The following FAM185A variants were observed in gnomAD, a reference collection of about 807,000 sequenced individuals.
FAM185A encodes protein FAM185A.
A neutral mutation model predicts 45.7 loss-of-function variants in FAM185A; 21 were observed. The observed-to-expected ratio is 0.46, with a 90% CI of 0.33 to 0.66. The LOEUF (loss-of-function observed/expected upper bound fraction) is 0.66. Ranked by LOEUF, FAM185A falls within the 30% of genes least tolerant of loss-of-function variation. The pLI is 0.03. For synonymous variants in FAM185A, 117 were observed against 194.0 expected, an observed-to-expected ratio of 0.60 and a Z score of 3.30; for missense variants, 305 against 485.4, an observed-to-expected ratio of 0.63 and a Z score of 3.49.
chr7:102,820,291 C>T, the FAM185A span, among the ~76,000 whole-genome samples: 4 of 152,224 alleles, frequency 2.6e-5, no homozygotes, highest in African/African-American at 7.2e-5. Flanking sequence ...TCTCTGCCTG[C>T]TTCTTGTGCA....
the FAM185A span, chr7:102,832,857 T>C: frequency 1.9e-6 from 3 of 1,614,212 alleles, no homozygotes; most frequent in Non-Finnish European, 2.5e-6. Context: ...CAGCCAGCAA[T>C]GCTGAGAGAT....
chr7:102,772,540 A>C (rs1794817351), intron 5 of FAM185A, 90 bp downstream of exon 5: 1 of 716,396 alleles, frequency 1.4e-6, no homozygotes. Context: ...TGAATTCTAC[A>C]GTTTAACTGA....
the FAM185A span, among the ~76,000 whole-genome samples, chr7:102,831,063 C>A: frequency 6.6e-6 from 1 of 152,126 alleles, no homozygotes; most frequent in Admixed American, 6.5e-5. Flanking sequence ...CCACCCCTGT[C>A]AGTCATTTTA....
chr7:102,830,664 A>G, the FAM185A span, among the ~76,000 whole-genome samples: 1 of 152,208 alleles, frequency 6.6e-6, no homozygotes, highest in Non-Finnish European at 1.5e-5. Context: ...ACAATTAGCT[A>G]ACCATACAAA....
At chr7:102,837,879 T>A in the FAM185A span, among the ~76,000 whole-genome samples, 1 of 152,250 alleles carries the variant, frequency 6.6e-6, no homozygotes, top group Non-Finnish European at 1.5e-5. Flanking sequence ...TAGTTATTCA[T>A]GTAAGTGTCT....
intron 6 of FAM185A, among the ~76,000 whole-genome samples, chr7:102,784,098 T>C (rs1795609503): frequency 6.6e-6 from 1 of 152,180 alleles, no homozygotes; most frequent in Non-Finnish European, 1.5e-5. Context: ...AATGGATAAA[T>C]TCCTGGACAC....
chr7:102,814,493 A>C, the FAM185A span: 2 of 152,238 alleles, frequency 1.3e-5, no homozygotes, highest in Non-Finnish European at 2.9e-5. Context: ...TAACAGTTTA[A>C]AATGCTATTT....
the FAM185A span, among the ~76,000 whole-genome samples, chr7:102,840,337 T>A: frequency 3.9e-4 from 59 of 152,370 alleles, 1 homozygote; most frequent in South Asian, 0.01. Context: ...ATTTTTCTTG[T>A]TGCCTGTGGC....
chr7:102,827,443 T>G, the FAM185A span, among the ~76,000 whole-genome samples: 1 of 152,010 alleles, frequency 6.6e-6, no homozygotes, highest in East Asian at 1.9e-4. Context: ...AGTTTGAGAG[T>G]GACTGGTTAC....
intron 7 of FAM185A, among the ~76,000 whole-genome samples, chr7:102,796,817 C>T (rs372427779): frequency 5.9e-5 from 9 of 151,972 alleles, no homozygotes; most frequent in Non-Finnish European, 8.8e-5. Context: ...TGCACTTGTT[C>T]GAACACTTAA....
At chr7:102,844,499 T>C in the FAM185A span, among the ~76,000 whole-genome samples, 1 of 152,116 alleles carries the variant, frequency 6.6e-6, no homozygotes, top group Non-Finnish European at 1.5e-5. Flanking sequence ...GGAGAGAGAA[T>C]GCCTAAAAGA....
At chr7:102,767,374 T>A (rs553906214) in intron 4 of FAM185A, among the ~76,000 whole-genome samples, 331 of 151,472 alleles carry the variant, frequency 2.2e-3, no homozygotes, top group South Asian at 9.5e-3. Context: ...TGCCCATAGA[T>A]CTTTGGACAA....
intron 7 of FAM185A, among the ~76,000 whole-genome samples, chr7:102,803,706 A>AAAGT (rs1554387022): frequency 6.6e-6 from 1 of 151,224 alleles, no homozygotes; most frequent in East Asian, 1.9e-4. Flanking sequence ...AGAAGGAAAT[A>AAAGT]AAGGGTATCC....
chr7:102,817,941 A>AT, the FAM185A span, among the ~76,000 whole-genome samples: 15 of 152,186 alleles, frequency 9.9e-5, no homozygotes, highest in Non-Finnish European at 2.1e-4. Flanking sequence ...TAGAACAGTG[A>AT]TTTTCAAACA....
At chr7:102,758,194 CTATT>C (rs1430345598) in intron 3 of FAM185A, among the ~76,000 whole-genome samples, 6 of 152,082 alleles carry the variant, frequency 3.9e-5, no homozygotes, top group Non-Finnish European at 5.9e-5. Context: ...TAAATGCTTA[CTATT>C]TAACTCTAGT....
At chr7:102,840,721 A>G in the FAM185A span, among the ~76,000 whole-genome samples, 2 of 152,188 alleles carry the variant, frequency 1.3e-5, no homozygotes, top group Non-Finnish European at 2.9e-5. Context: ...GGAGGCTACC[A>G]GTCTAGTGGA....
In FAM185A at chr7:102,808,454, A is replaced by G; in HGVS notation, c.*52A>G. The G allele has an allele frequency of 9.1e-7, 1 of 1,101,160 alleles. No homozygotes were observed. The highest frequency in any genetic ancestry group is 1.4e-6 in the Non-Finnish European group (1 of 739,498). 68.2% of individuals were successfully genotyped at this position (1,101,160 alleles called of 1,614,324 possible). On this transcript the variant is annotated 3_prime_UTR_variant, in exon 8 of 8. Coordinates refer to ENST00000413034, the MANE Select transcript of FAM185A (RefSeq NM_001145268.2). ...TTTAACAATGATTCGCAGATCTGTG[A>G]CTACAAAAATGTAAATCCCACCATT...
At chr7:102,813,524 CTGCCTTCCTG>C, downstream of FAM185A, 1 of 1,613,700 alleles carries the variant, frequency 6.2e-7, no homozygotes, top group Non-Finnish European at 8.5e-7. Context: ...ATTCTTTGAG[CTGCCTTCCTG>C]TAATAACAGT....
the FAM185A span, among the ~76,000 whole-genome samples, chr7:102,826,455 G>A: frequency 8.0e-4 from 121 of 151,960 alleles, no homozygotes; most frequent in African/African-American, 2.8e-3. Flanking sequence ...TTGAATATAA[G>A]CTGAGCGTGG....
Sources: allele counts gnomAD v4.1 joint callset (sites outside exome capture counted in the v4.1 genomes callset), GRCh38; gene constraint gnomAD v4.1.1; transcripts MANE v1.5; gene names NCBI Gene and HGNC (gene_info 2026-07-23, HGNC 2026-07-21).